PUS10: variants seen among roughly 807,000 people sequenced by gnomAD.
PUS10 encodes pseudouridine synthase 10, also known as tRNA pseudouridine synthase Pus10.
Under a neutral mutation model 75.0 loss-of-function variants are expected in PUS10, and 59 were observed. That is an observed-to-expected ratio of 0.79 (90% CI 0.64 to 0.98). The LOEUF is 0.98. Ranked by LOEUF, PUS10 falls within the 50% of genes least tolerant of loss-of-function variation. The pLI is 0.00. For synonymous variants in PUS10, 219 were observed against 211.6 expected, an observed-to-expected ratio of 1.03 and a Z score of -0.30; for missense variants, 650 against 614.4, an observed-to-expected ratio of 1.06 and a Z score of -0.61.
intron 11 of PUS10, among the ~76,000 whole-genome samples, chr2:60,959,817 G>C (rs1675905351): frequency 6.6e-6 from 1 of 152,120 alleles, no homozygotes; most frequent in South Asian, 2.1e-4. Flanking sequence ...GCCCAGACTT[G>C]GTAGTGATTA....
At chr2:60,945,167 T>C (rs974361747) in intron 16 of PUS10, 59 bp from the exon 17 acceptor site, 1 of 1,034,446 alleles carries the variant, frequency 9.7e-7, no homozygotes, top group East Asian at 2.4e-5. Context: ...TTTGGTAAGA[T>C]TTGACAGGCA....
At chr2:61,003,148 C>G (rs895030677) in intron 4 of PUS10, among the ~76,000 whole-genome samples, 2 of 152,014 alleles carry the variant, frequency 1.3e-5, no homozygotes, top group Non-Finnish European at 1.5e-5. Flanking sequence ...TAAATTAATG[C>G]TTTTATAATG....
intron 8 of PUS10, among the ~76,000 whole-genome samples, chr2:60,963,097 C>A (rs1676129269): frequency 6.6e-6 from 1 of 152,118 alleles, no homozygotes; most frequent in Admixed American, 6.5e-5. Flanking sequence ...CCTCTGTAAC[C>A]CTTCTCTTCA....
chr2:61,013,796 G>A (rs1679789790), intron 1 of PUS10, among the ~76,000 whole-genome samples: 1 of 152,040 alleles, frequency 6.6e-6, no homozygotes, highest in Non-Finnish European at 1.5e-5. Context: ...AGGCTGAGGT[G>A]GGCAGATCAC....
At chr2:60,980,547 C>A (rs896406119) in intron 4 of PUS10, among the ~76,000 whole-genome samples, 2 of 152,208 alleles carry the variant, frequency 1.3e-5, no homozygotes, top group African/African-American at 4.8e-5. Context: ...TCATCCAACA[C>A]TATCATCAGA....
intron 17 of PUS10, among the ~76,000 whole-genome samples, 154 bp downstream of exon 17, chr2:60,944,855 G>C (rs1674843663): frequency 1.3e-5 from 2 of 151,808 alleles, no homozygotes; most frequent in Non-Finnish European, 2.9e-5. Flanking sequence ...AAAATCCGAA[G>C]ACAGTCCCTC....
At chr2:61,005,209 C>A (rs1335337275) in intron 4 of PUS10, among the ~76,000 whole-genome samples, 1 of 152,068 alleles carries the variant, frequency 6.6e-6, no homozygotes, top group Non-Finnish European at 1.5e-5. Flanking sequence ...TGCAGTGAGC[C>A]GAGATGGCGC....
chr2:60,965,711 A>G (rs1399286771), intron 6 of PUS10: 1 of 338,082 alleles, frequency 3.0e-6, no homozygotes. Context: ...ATCCTACCAA[A>G]AAAGTTTTAA....
intron 4 of PUS10, among the ~76,000 whole-genome samples, chr2:60,991,028 C>A (rs1678039583): frequency 6.6e-6 from 1 of 152,082 alleles, no homozygotes; most frequent in African/African-American, 2.4e-5. Flanking sequence ...CAGGTGTGAA[C>A]AACCATGCCT....
chr2:60,991,925 C>G (rs1031164496), intron 4 of PUS10, among the ~76,000 whole-genome samples: 1 of 151,996 alleles, frequency 6.6e-6, no homozygotes, highest in Non-Finnish European at 1.5e-5. Flanking sequence ...TCCCTGGGGC[C>G]AGACCAATAA....
chr2:60,962,854 T>G lies in PUS10; in HGVS notation c.760A>C (p.Asn254His), dbSNP rs749258016. The change falls in exon 9 of 18, where the codon AAT becomes CAT. Residue 254 changes from asparagine (N) to histidine (H), a missense_variant. Coordinates refer to ENST00000316752, the MANE Select transcript of PUS10 (RefSeq NM_144709.4). ...AGGAAATCCTCTTCCTTTATCTTAT[T>G]CAAGGCTTTCATAACTGCCATTCTA... is the stretch of plus-strand genomic sequence containing the variant. ...FTRMAVMKAL[N>H]KIKEEDFLKQ... is the part of the protein sequence containing the mutation. The G allele has an allele frequency of 6.4e-7, 1 of 1,572,926 alleles. No homozygotes were observed. The highest frequency in any genetic ancestry group is 1.2e-5 in the South Asian group (1 of 86,074).
intron 4 of PUS10, among the ~76,000 whole-genome samples, chr2:60,985,509 CT>C (rs897441931): frequency 6.6e-6 from 1 of 150,632 alleles, no homozygotes; most frequent in East Asian, 1.9e-4. Flanking sequence ...TTTTTTCTCT[CT>C]TTTTTTTTGA....
Position 60,954,074 on chromosome 2 carries a change from T to TG in PUS10, c.1134+7dup, listed in dbSNP as rs757961611. On this transcript the variant is annotated splice_region_variant and intron_variant, in intron 13 of 17. Coordinates refer to ENST00000316752, the MANE Select transcript of PUS10 (RefSeq NM_144709.4). ...ACATGACGATTTCCATGGCATGAAGTGGTTTACCTGCTGAAGTTCCTTAAT... is the reference window on the plus strand; with the variant it reads ...ACATGACGATTTCCATGGCATGAAGTGGGTTTACCTGCTGAAGTTCCTTAAT... 1.2e-6 allele frequency: 2 copies of TG among 1,613,604 alleles called. No individual in the cohort carries two copies. Among genetic ancestry groups the TG allele is most frequent in the African/African-American group, 2.7e-5 (2 of 75,058 alleles).
At chr2:60,946,514 A>C (rs1674952857) in intron 16 of PUS10, among the ~76,000 whole-genome samples, 1 of 152,226 alleles carries the variant, frequency 6.6e-6, no homozygotes, top group Non-Finnish European at 1.5e-5. Flanking sequence ...AGGATTAGGT[A>C]AGAAGACTTT....
At chr2:60,953,896 T>C (rs778761311) in intron 14 of PUS10, 37 bp downstream of exon 14, 1 of 1,564,386 alleles carries the variant, frequency 6.4e-7, no homozygotes, top group Non-Finnish European at 8.8e-7. Flanking sequence ...AACTAAAACG[T>C]CCCTTTTGAA....
chr2:60,965,337 T>G (rs1676270920), intron 7 of PUS10, 86 bp downstream of exon 7: 1 of 1,137,226 alleles, frequency 8.8e-7, no homozygotes. Flanking sequence ...CTCTTTCTTA[T>G]TAGGAAGAGA....
intron 4 of PUS10, among the ~76,000 whole-genome samples, chr2:61,000,428 C>G (rs1034439730): frequency 1.3e-5 from 2 of 152,154 alleles, no homozygotes; most frequent in Non-Finnish European, 2.9e-5. Flanking sequence ...TAAAACAACA[C>G]CAATTTATTA....
At chr2:61,009,909 C>T (rs1437241394) in intron 2 of PUS10, 1 of 152,170 alleles carries the variant, frequency 6.6e-6, no homozygotes, top group African/African-American at 2.4e-5. Flanking sequence ...AATATACATA[C>T]ATACATACAT....
Position 60,942,440 on chromosome 2 carries a change from G to A in PUS10, c.1552-7C>T. The A allele has an allele frequency of 1.9e-6, 3 of 1,609,898 alleles. No individual in the cohort carries two copies. Among genetic ancestry groups the A allele is most frequent in the South Asian group, 2.2e-5 (2 of 90,996 alleles). Reference sequence around the variant, plus strand: ...GCCAGTCAACATCTACAGACTAGAAGGGAGAAAAGAAGTCATTAAAACAGA... The same window carrying A: ...GCCAGTCAACATCTACAGACTAGAAAGGAGAAAAGAAGTCATTAAAACAGA... On this transcript the variant is annotated splice_polypyrimidine_tract_variant and splice_region_variant and intron_variant, in intron 17 of 17. Coordinates refer to ENST00000316752, the MANE Select transcript of PUS10 (RefSeq NM_144709.4).
Sources: allele counts gnomAD v4.1 joint callset (sites outside exome capture counted in the v4.1 genomes callset), GRCh38; gene constraint gnomAD v4.1.1; transcripts MANE v1.5; gene names NCBI Gene and HGNC (gene_info 2026-07-23, HGNC 2026-07-21).